CACUL1: variants seen among roughly 807,000 people sequenced by gnomAD.
CACUL1 encodes CDK2 associated cullin domain 1.
In CACUL1, 13 loss-of-function variants were observed where a neutral mutation model predicts 45.2. The observed-to-expected ratio is 0.29, with a 90% CI of 0.19 to 0.46. CACUL1 has a LOEUF of 0.46. Ranked by LOEUF, CACUL1 falls within the 20% of genes least tolerant of loss-of-function variation. CACUL1 has a pLI of 1.00. For missense variants in CACUL1, 421 were observed against 471.4 expected (o/e 0.89, Z 0.99); for synonymous variants, 197 against 174.2 (o/e 1.13, Z -1.03).
chr10:118,730,006 C>A (rs1260162472), intron 2 of CACUL1, among the ~76,000 whole-genome samples: 2 of 152,230 alleles, frequency 1.3e-5, no homozygotes, highest in Non-Finnish European at 2.9e-5. Flanking sequence ...ATGATTTTTA[C>A]ACCAGATACT....
chr10:118,754,904 C>T lies in CACUL1; in HGVS notation c.-142G>A. 8.4e-7 allele frequency: 1 copy of T among 1,194,750 alleles called. No homozygotes were observed. Among genetic ancestry groups the T allele is most frequent in the Non-Finnish European group, 1.1e-6 (1 of 878,250 alleles). The allele number at this position is 1,194,750 out of a possible 1,614,324, so 74.0% of individuals were successfully genotyped here. A position where few individuals can be genotyped will look rare whatever the true frequency, so the allele number is the denominator to read the frequency against. On this transcript the variant is annotated 5_prime_UTR_variant, in exon 1 of 9. Transcript: ENST00000369151. ...CGGAGAGGGCTGCGGTGCGCAGGGTCTCTCGCTCTCCGCGGGGCCGACTAG... is the reference window on the plus strand; with the variant it reads ...CGGAGAGGGCTGCGGTGCGCAGGGTTTCTCGCTCTCCGCGGGGCCGACTAG...
At chr10:118,749,471 T>A (rs1365278919) in intron 1 of CACUL1, among the ~76,000 whole-genome samples, 2 of 152,206 alleles carry the variant, frequency 1.3e-5, no homozygotes, top group African/African-American at 4.8e-5. Context: ...CTAGATATAT[T>A]AAACAGAGGT....
chr10:118,708,720 G>A (rs1321079851), intron 3 of CACUL1, among the ~76,000 whole-genome samples: 3 of 151,778 alleles, frequency 2.0e-5, no homozygotes, highest in African/African-American at 4.9e-5. Flanking sequence ...ACACCAGAAC[G>A]CTCAGGTTCT....
rs1845132265 is a variant in CACUL1, at chr10:118,679,559, C to T, written c.*6569G>A. On this transcript the variant is annotated 3_prime_UTR_variant, in exon 9 of 9. Transcript: ENST00000369151. ...GCTTGAGATAGTTTCACTCTTGTCG[C>T]CCAGGCTGGAGTACAATAGTGCAAT... is the stretch of plus-strand genomic sequence containing the variant. 6.6e-6 allele frequency: 1 copy of T among 151,854 alleles called. No homozygotes were observed. The highest frequency in any genetic ancestry group is 6.6e-5 in the Admixed American group (1 of 15,218). The allele number at this position is 151,854 out of a possible 1,614,324, so 9.4% of individuals were successfully genotyped here. A position where few individuals can be genotyped will look rare whatever the true frequency, so the allele number is the denominator to read the frequency against.
In CACUL1 at chr10:118,684,907, T is replaced by C. The variant is rs1845189143; in HGVS notation, c.*1221A>G. On this transcript the variant is annotated 3_prime_UTR_variant, in exon 9 of 9. Coordinates refer to ENST00000369151, the MANE Select transcript of CACUL1 (RefSeq NM_153810.5). Reference sequence around the variant, plus strand: ...TTTCTCTTGCCACATCTATTTTTCTTGGGCTTTCAACAACAGCTAGAATAA... The same window carrying C: ...TTTCTCTTGCCACATCTATTTTTCTCGGGCTTTCAACAACAGCTAGAATAA... 1 of 152,236 alleles carries C rather than the reference T, an allele frequency of 6.6e-6. No individual in the cohort carries two copies. The highest frequency in any genetic ancestry group is 2.4e-5 in the African/African-American group (1 of 41,466). 9.4% of individuals were successfully genotyped at this position (152,236 alleles called of 1,614,324 possible).
intron 4 of CACUL1, among the ~76,000 whole-genome samples, chr10:118,704,341 G>T (rs938740507): frequency 5.9e-5 from 9 of 152,062 alleles, no homozygotes; most frequent in African/African-American, 2.2e-4. Flanking sequence ...CTGTTCCCTT[G>T]ATCTGTCTAT....
chr10:118,693,677 A>C, intron 6 of CACUL1: 1 of 452,964 alleles, frequency 2.2e-6, no homozygotes, highest in Non-Finnish European at 4.4e-6. Context: ...AAAGGAAAAA[A>C]AATCATTCAT....
At chr10:118,690,097 C>T (rs1055814325) in intron 7 of CACUL1, among the ~76,000 whole-genome samples, 2 of 152,042 alleles carry the variant, frequency 1.3e-5, no homozygotes, top group African/African-American at 4.8e-5. Flanking sequence ...GTCAGGAGAT[C>T]GAGACCATCC....
rs1845421094 is a variant in CACUL1, at chr10:118,705,100, TTA to T, written c.693+2390_693+2391del. On this transcript the variant is annotated intron_variant, in intron 4 of 8. Transcript: ENST00000369151. ...TCTGAAGTTCATTCTTATTTATCTT[TTA>T]TAAGTTTTACTGGTTATTTTTTTTT... Among the ~76,000 whole-genome samples the T allele has an allele frequency of 2.6e-5, 4 of 152,258 alleles. No homozygotes were observed. In the South Asian group the frequency reaches 8.3e-4, roughly 31 times the overall value.
chr10:118,691,866 C>CAAAAAAAAAAAAAA (rs754241223), intron 6 of CACUL1, among the ~76,000 whole-genome samples: 1 of 95,460 alleles, frequency 1.0e-5, no homozygotes, highest in Non-Finnish European at 1.9e-5. Flanking sequence ...GACTCCGTCT[C>CAAAAAAAAAAAAAA]AAAAAAAAAA....
chr10:118,732,881 T>C (rs1460417058), intron 1 of CACUL1, among the ~76,000 whole-genome samples: 1 of 152,218 alleles, frequency 6.6e-6, no homozygotes, highest in Admixed American at 6.5e-5. Context: ...AGAAATTACA[T>C]TCTCACTGTG....
At chr10:118,746,380 T>C (rs959284551) in intron 1 of CACUL1, among the ~76,000 whole-genome samples, 2 of 152,174 alleles carry the variant, frequency 1.3e-5, no homozygotes, top group Admixed American at 1.3e-4. Context: ...TTTCAACAAA[T>C]AGTGCCAACA....
chr10:118,745,575 A>C (rs569457482), intron 1 of CACUL1, among the ~76,000 whole-genome samples: 3 of 152,114 alleles, frequency 2.0e-5, no homozygotes, highest in South Asian at 4.1e-4. Flanking sequence ...AAAAAAATGG[A>C]GACAGGAAAA....
intron 1 of CACUL1, among the ~76,000 whole-genome samples, chr10:118,732,018 G>A (rs763758721): frequency 6.6e-6 from 1 of 152,196 alleles, no homozygotes; most frequent in Non-Finnish European, 1.5e-5. Context: ...ACAGTAGGAA[G>A]AGGCCAGACA....
Position 118,694,995 on chromosome 10 carries a change from T to C in CACUL1, c.886+146A>G, listed in dbSNP as rs554745243. Reference sequence around the variant, plus strand: ...TTCCAACTGAGCTCTGAGTTTACATTTCACAATGATGAGTATCTACTCAAT... The same window carrying C: ...TTCCAACTGAGCTCTGAGTTTACATCTCACAATGATGAGTATCTACTCAAT... On this transcript the variant is annotated intron_variant, in intron 6 of 8. Transcript: ENST00000369151. 4 of 563,400 alleles carry C rather than the reference T, an allele frequency of 7.1e-6. No homozygotes were observed. In the East Asian group the frequency reaches 1.2e-4, roughly 16 times the overall value. 34.9% of individuals were successfully genotyped at this position (563,400 alleles called of 1,614,324 possible).
intron 3 of CACUL1, among the ~76,000 whole-genome samples, chr10:118,716,135 G>A (rs928180841): frequency 6.6e-6 from 1 of 151,858 alleles, no homozygotes; most frequent in African/African-American, 2.4e-5. Flanking sequence ...CGGAGGCTGA[G>A]GCAGGAGAAT....
rs548705217 is a variant in CACUL1 at position 118,695,941 on chromosome 10, T to G, written c.797-711A>C. Among the ~76,000 whole-genome samples the G allele has an allele frequency of 6.8e-4, 104 of 152,336 alleles. 2 individuals carry two copies. The highest frequency in any genetic ancestry group is 2.4e-3 in the African/African-American group (98 of 41,586). Reference sequence around the variant, plus strand: ...TGACCTAAAATGATTCATTTTTAATTTATCTCAAAGAGCTGCATTTGCTAA... The same window carrying G: ...TGACCTAAAATGATTCATTTTTAATGTATCTCAAAGAGCTGCATTTGCTAA... On this transcript the variant is annotated intron_variant, in intron 5 of 8. Coordinates refer to ENST00000369151, the MANE Select transcript of CACUL1 (RefSeq NM_153810.5).
chr10:118,697,293 A>T (rs965505195), intron 5 of CACUL1, among the ~76,000 whole-genome samples: 2 of 152,240 alleles, frequency 1.3e-5, no homozygotes, highest in Admixed American at 1.3e-4. Flanking sequence ...TCACTGAATA[A>T]TTCATCTGAA....
chr10:118,699,301 C>A (rs776521896), intron 5 of CACUL1, among the ~76,000 whole-genome samples: 4 of 152,122 alleles, frequency 2.6e-5, no homozygotes, highest in Non-Finnish European at 5.9e-5. Flanking sequence ...GCTTAAGGAC[C>A]TTTTCTGTTT....
Sources: allele counts gnomAD v4.1 joint callset (sites outside exome capture counted in the v4.1 genomes callset), GRCh38; gene constraint gnomAD v4.1.1; transcripts MANE v1.5; gene names NCBI Gene and HGNC (gene_info 2026-07-23, HGNC 2026-07-21).